Variants in TEP1 observed in about 807,000 individuals in gnomAD.
TEP1 encodes telomerase protein component 1.
TEP1 carries 241 observed loss-of-function variants against 306.3 expected under a neutral mutation model. That is an observed-to-expected ratio of 0.79 (90% CI 0.71 to 0.88). The LOEUF (loss-of-function observed/expected upper bound fraction) is 0.88. Ranked by LOEUF, TEP1 falls within the 40% of genes least tolerant of loss-of-function variation. TEP1 has a pLI of 0.00. For missense variants in TEP1, 3,051 were observed against 3,276.1 expected (o/e 0.93, Z 1.68); for synonymous variants, 1,289 against 1,305.5 (o/e 0.99, Z 0.27).
At chr14:20,377,196 C>T (rs922817020) in intron 41 of TEP1, 84 bp downstream of exon 41, 1 of 1,182,178 alleles carries the variant, frequency 8.5e-7, no homozygotes, top group Non-Finnish European at 1.2e-6. Context: ...GCCTGGGCAA[C>T]AAGAGTGAAG....
chr14:20,393,995 G>A (rs1018432099), intron 12 of TEP1, among the ~76,000 whole-genome samples: 5 of 152,096 alleles, frequency 3.3e-5, no homozygotes, highest in African/African-American at 1.2e-4. Context: ...GCTGAGGCAG[G>A]AGAATCACTT....
chr14:20,390,720 A>G lies in TEP1; in HGVS notation c.2295T>C (p.Phe765=). The G allele has an allele frequency of 6.2e-7, 1 of 1,614,218 alleles. No homozygotes were observed. Among genetic ancestry groups the G allele is most frequent in the Non-Finnish European group, 8.5e-7 (1 of 1,180,024 alleles). ...DENDGWSLNT[F]GKYLLSLAGQ... ...CAGCCAGAGACAGCAGGTATTTCCC[A>G]AAAGTATTCAGGGACCATCCATCAT... Residue 765 remains phenylalanine (F), a synonymous_variant, in exon 15 of 55, where the codon TTT becomes TTC. Transcript: ENST00000262715.
At chr14:20,397,096 T>C (rs1878270462) in intron 9 of TEP1, among the ~76,000 whole-genome samples, 1 of 152,198 alleles carries the variant, frequency 6.6e-6, no homozygotes, top group Admixed American at 6.5e-5. Context: ...CAACACTGTT[T>C]ATGGGATGGC....
chr14:20,386,786 C>T (rs766105108), intron 18 of TEP1, among the ~76,000 whole-genome samples, 163 bp from the exon 19 acceptor site: 13 of 152,198 alleles, frequency 8.5e-5, no homozygotes, highest in Non-Finnish European at 1.8e-4. Context: ...GTGGTCTCAA[C>T]TGCAGGGCCC....
Position 20,406,332 on chromosome 14 carries a change from C to T in TEP1, c.636G>A (p.Leu212=), listed in dbSNP as rs1411379396. 4.3e-6 allele frequency: 7 copies of T among 1,614,142 alleles called. No individual in the cohort carries two copies. The South Asian group carries it at 7.7e-5, about 18-fold the overall frequency. ...GATCCTCCACCTCCTCCTCCTCTCC[C>T]AAGCTCAGACTATAAGAAGGCATTT... is the stretch of plus-strand genomic sequence containing the variant. ...ETQMPSYSLS[L]GEEEEVEDLA... The change falls in exon 3 of 55, where the codon TTG becomes TTA. Residue 212 remains leucine (L), a synonymous_variant. Coordinates refer to ENST00000262715, the MANE Select transcript of TEP1 (RefSeq NM_007110.5).
rs532975457 is a variant in TEP1 at position 20,401,366 on chromosome 14, G to A, written c.1391+91C>T. The A allele has an allele frequency of 1.1e-4, 167 of 1,549,592 alleles. No homozygotes were observed. The East Asian group carries it at 2.6e-3, about 24-fold the overall frequency. Reference sequence around the variant, plus strand: ...CATGTCTGTCTAAAGTCATGTTGCTGGGTTTGAGAACTACTGGGATGGGGG... The same window carrying A: ...CATGTCTGTCTAAAGTCATGTTGCTAGGTTTGAGAACTACTGGGATGGGGG... On this transcript the variant is annotated intron_variant, in intron 8 of 54. Coordinates refer to ENST00000262715, the MANE Select transcript of TEP1 (RefSeq NM_007110.5).
intron 1 of TEP1, among the ~76,000 whole-genome samples, chr14:20,413,156 CCTT>C: frequency 6.6e-6 from 1 of 152,332 alleles, no homozygotes; most frequent in African/African-American, 2.4e-5. Flanking sequence ...TCTCCTTCAG[CCTT>C]CTCCTCCTCC....
chr14:20,391,146 A>C (rs761613906), intron 13 of TEP1, 50 bp from the exon 14 acceptor site: 67 of 1,584,596 alleles, frequency 4.2e-5, no homozygotes, highest in East Asian at 2.5e-4. Flanking sequence ...TTTGGAATTC[A>C]CCCTTGCCCA....
rs376643642 is a variant in TEP1 at position 20,381,394 on chromosome 14, G to C, written c.4566C>G (p.Leu1522=). The C allele has an allele frequency of 3.1e-6, 5 of 1,614,006 alleles. No individual in the cohort carries two copies. In the African/African-American group the frequency reaches 6.7e-5, roughly 22 times the overall value. The part of the protein sequence containing the change: ...DTAHILIAAQ[L]WKTCDADASG... Reference sequence around the variant, plus strand: ...AGGCATCAGCGTCACATGTCTTCCAGAGCTGAGCTGCATGAACAGATATTG... The same window carrying C: ...AGGCATCAGCGTCACATGTCTTCCACAGCTGAGCTGCATGAACAGATATTG... Residue 1522 remains leucine, a synonymous_variant, in exon 32 of 55, where the codon CTC becomes CTG. Transcript: ENST00000262715. This position sits in a 1 kb window ranked among gnomAD's most constrained non-coding sequence, Gnocchi z 4.0.
Position 20,368,306 on chromosome 14 carries a change from T to G in TEP1, c.*131A>C. 1 of 1,118,268 alleles carries G rather than the reference T, an allele frequency of 8.9e-7. No individual in the cohort carries two copies. Among genetic ancestry groups the G allele is most frequent in the Non-Finnish European group, 1.2e-6 (1 of 815,816 alleles). The allele number at this position is 1,118,268 out of a possible 1,614,324, so 69.3% of individuals were successfully genotyped here. On this transcript the variant is annotated 3_prime_UTR_variant, in exon 55 of 55. Transcript: ENST00000262715. ...ATGAGAACACAGGCAGGCCTACACT[T>G]GAGATTTTTTGACACTTCATTTTTA...
At position 20,400,912 on chromosome 14, in the gene TEP1, A is replaced by G. The variant is rs975181103; in HGVS notation, c.1549+72T>C. ...CTTCATCATTCCACAGAAATCTTCTAGTGAGGATCTAAAATGTGGAGGCAT... is the reference window on the plus strand; with the variant it reads ...CTTCATCATTCCACAGAAATCTTCTGGTGAGGATCTAAAATGTGGAGGCAT... On this transcript the variant is annotated intron_variant, in intron 9 of 54. Coordinates refer to ENST00000262715, the MANE Select transcript of TEP1 (RefSeq NM_007110.5). 40 of 1,544,910 alleles carry G rather than the reference A, an allele frequency of 2.6e-5. No individual in the cohort carries two copies. In the African/African-American group the frequency reaches 5.4e-4, roughly 21 times the overall value.
intron 27 of TEP1, 74 bp downstream of exon 27, chr14:20,383,100 G>A (rs1442339085): frequency 1.8e-5 from 26 of 1,471,606 alleles, no homozygotes; most frequent in Non-Finnish European, 2.1e-5. Context: ...GGCAGCTAGC[G>A]GCCTCGGCAC....
At chr14:20,375,406 G>A (rs1013104502) in intron 43 of TEP1, among the ~76,000 whole-genome samples, 28 of 152,042 alleles carry the variant, frequency 1.8e-4, no homozygotes, top group African/African-American at 5.8e-4. Context: ...CACTCGCCTC[G>A]GCCTCCCAAA....
intron 33 of TEP1, 149 bp from the exon 34 acceptor site, chr14:20,380,624 GC>G (rs1473494543): frequency 1.1e-5 from 15 of 1,323,444 alleles, no homozygotes; most frequent in African/African-American, 1.5e-5. Context: ...AAAGTACAAA[GC>G]TTTGAGCCCC....
chr14:20,409,857 A>T (rs1234503073), intron 1 of TEP1, among the ~76,000 whole-genome samples: 6 of 150,982 alleles, frequency 4.0e-5, no homozygotes, highest in Non-Finnish European at 7.4e-5. Context: ...CATCTCTACT[A>T]AAAAAATACA....
At chr14:20,401,351 TAA>T in intron 8 of TEP1, 104 bp downstream of exon 8, 2 of 1,514,230 alleles carry the variant, frequency 1.3e-6, no homozygotes, top group Non-Finnish European at 1.8e-6. Context: ...CATGTCTGTC[TAA>T]AGTCATGTTG....
In TEP1 at chr14:20,386,618, C is replaced by T. The variant is rs887312837; in HGVS notation, c.2690G>A (p.Arg897His). 24 of 1,596,584 alleles carry T rather than the reference C, an allele frequency of 1.5e-5. No homozygotes were observed. Among genetic ancestry groups the T allele is most frequent in the African/African-American group, 2.7e-5 (2 of 74,628 alleles). Residue 897 changes from arginine to histidine, a missense_variant, in exon 19 of 55, where the codon CGC (arginine) becomes CAC (histidine). Arg to His is a conservative substitution (Grantham distance 29). Around this residue, in one of 3 missense-constraint regions of TEP1, gnomAD observed 1,507 missense variants for 1,550.5 expected, o/e 0.97. Coordinates refer to ENST00000262715, the MANE Select transcript of TEP1 (RefSeq NM_007110.5). ...GGATGAAATGAAAAGCCGGATGCTG[C>T]GCCATCTGGGGATAAGCAGAGAGCT... ...PLAPVSQQGW[R>H]SIRLFISSTF... is the part of the protein sequence containing the mutation.
intron 26 of TEP1, 67 bp downstream of exon 26, chr14:20,383,421 T>TA: frequency 3.7e-6 from 6 of 1,608,790 alleles, no homozygotes; most frequent in Non-Finnish European, 4.2e-6. Context: ...GAGGCCTCTC[T>TA]CCTCCGTGCC....
At chr14:20,370,246 G>A (rs1416990940) in intron 51 of TEP1, among the ~76,000 whole-genome samples, 2 of 152,166 alleles carry the variant, frequency 1.3e-5, no homozygotes, top group Non-Finnish European at 2.9e-5. Flanking sequence ...CATCGGCGAT[G>A]TATTTTTACA....
Sources: gnomAD v4.1 joint callset for allele counts (sites outside exome capture counted in the v4.1 genomes callset) on GRCh38, gnomAD v4.1.1 for gene constraint, gnomAD v4.1.1 regional missense constraint, Gnocchi (gnomAD v3.1) non-coding constraint, MANE v1.5 for transcripts, NCBI Gene and HGNC (gene_info 2026-07-23, HGNC 2026-07-21) for gene names.